SYNE2: variants seen among roughly 807,000 people sequenced by gnomAD.
SYNE2 encodes the protein nesprin-2.
SYNE2 carries 431 observed loss-of-function variants against 856.3 expected under a neutral mutation model. The observed-to-expected ratio is 0.50, with a 90% CI of 0.47 to 0.55. The LOEUF is 0.55. Among genes scored for constraint, SYNE2 ranks in the 20% least tolerant of loss-of-function variants. The pLI is 0.00. For synonymous variants in SYNE2, 2,923 were observed against 2,872.3 expected, an observed-to-expected ratio of 1.02 and a Z score of -0.56; for missense variants, 8,129 against 8,023.2, an observed-to-expected ratio of 1.01 and a Z score of -0.50.
chr14:63,964,374 A>G (rs1368788751), intron 10 of SYNE2, among the ~76,000 whole-genome samples: 1 of 152,222 alleles, frequency 6.6e-6, no homozygotes, highest in South Asian at 2.1e-4. Flanking sequence ...AAGTATTGCC[A>G]GTCACTACTT....
Position 63,770,009 on chromosome 14 carries a change from G to A in SYNE2, c.-305+8023G>A, listed in dbSNP as rs544729586. ...AGCTCACTGCAGCCTTGACCTCCGC[G>A]GACAAGCAATCCTCCTGCCTCAGCC... On this transcript the variant is annotated intron_variant, in intron 1 of 23. Transcript: ENST00000674003. Among the ~76,000 whole-genome samples the A allele has an allele frequency of 1.1e-4, 17 of 152,106 alleles. No individual in the cohort carries two copies. In the South Asian group the frequency reaches 1.7e-3, roughly 15 times the overall value.
chr14:64,222,300 A>G (rs2098698130), intron 112 of SYNE2, among the ~76,000 whole-genome samples: 1 of 152,264 alleles, frequency 6.6e-6, no homozygotes, highest in African/African-American at 2.4e-5. Flanking sequence ...GGCGTCCAGT[A>G]GAACTTTCTG....
chr14:64,183,100 G>A (rs9888628), intron 96 of SYNE2, among the ~76,000 whole-genome samples: 2 of 144,018 alleles, frequency 1.4e-5, no homozygotes, highest in Non-Finnish European at 3.0e-5. Context: ...CCGGGCGGAG[G>A]GGCTCCTCAC....
At chr14:64,148,823 G>A (rs17766384) in intron 84 of SYNE2, among the ~76,000 whole-genome samples, 21,897 of 152,088 alleles carry the variant, frequency 0.14, 2,104 homozygotes, top group Middle Eastern at 0.25. Flanking sequence ...CGGGTCTGTC[G>A]TCTACCAGAT....
At chr14:63,939,848 A>T (rs2095882036) in intron 2 of SYNE2, among the ~76,000 whole-genome samples, 1 of 152,190 alleles carries the variant, frequency 6.6e-6, no homozygotes, top group African/African-American at 2.4e-5. Flanking sequence ...TCTCTGACTA[A>T]TTACAGCCCA....
intron 45 of SYNE2, among the ~76,000 whole-genome samples, chr14:64,036,794 C>A (rs1469217597): frequency 2.6e-5 from 4 of 152,118 alleles, no homozygotes; most frequent in Non-Finnish European, 5.9e-5. Context: ...GGTTTACATT[C>A]TCTGGTTTGA....
intron 45 of SYNE2, among the ~76,000 whole-genome samples, chr14:64,044,817 A>G (rs2097174068): frequency 6.6e-6 from 1 of 152,102 alleles, no homozygotes; most frequent in African/African-American, 2.4e-5. Flanking sequence ...TTCCGCCATG[A>G]TTGTGAGGCT....
chr14:63,763,118 C>T (rs1886550979), intron 1 of SYNE2, among the ~76,000 whole-genome samples: 1 of 152,078 alleles, frequency 6.6e-6, no homozygotes, highest in Admixed American at 6.5e-5. Context: ...CAGGCGCCCA[C>T]CACCACACCT....
intron 36 of SYNE2, 123 bp downstream of exon 36, chr14:64,021,638 C>A: frequency 7.8e-7 from 1 of 1,288,624 alleles, no homozygotes; most frequent in Non-Finnish European, 1.1e-6. Context: ...TCAGAAAAAC[C>A]GCTTTTGTAT....
chr14:64,141,600 C>T, intron 81 of SYNE2, 77 bp downstream of exon 81: 1 of 1,492,156 alleles, frequency 6.7e-7, no homozygotes, highest in East Asian at 2.3e-5. Flanking sequence ...ATTTCTCTGA[C>T]TCAATAATTT....
At chr14:64,190,025 A>T in intron 98 of SYNE2, 46 bp from the exon 99 acceptor site, 1 of 1,581,832 alleles carries the variant, frequency 6.3e-7, no homozygotes, top group Non-Finnish European at 8.7e-7. Context: ...AGAAGAAATG[A>T]GTTTGGGCTA....
intron 6 of SYNE2, among the ~76,000 whole-genome samples, chr14:63,947,437 T>G (rs188286326): frequency 4.1e-4 from 62 of 152,354 alleles, no homozygotes; most frequent in African/African-American, 1.3e-3. Flanking sequence ...ATTTTATATT[T>G]AGATCTACCG....
chr14:63,961,491 T>C (rs572381285), intron 8 of SYNE2, 34 bp from the exon 9 acceptor site: 2 of 1,536,014 alleles, frequency 1.3e-6, no homozygotes, highest in Non-Finnish European at 9.0e-7. Flanking sequence ...AGTAAATGTG[T>C]AACAGCTAAT....
intron 98 of SYNE2, 144 bp downstream of exon 98, chr14:64,188,852 C>T (rs1596096249): frequency 1.2e-6 from 1 of 853,632 alleles, no homozygotes; most frequent in South Asian, 1.4e-5. Flanking sequence ...ATTTTCGATC[C>T]TTTTGAGAGA....
At chr14:64,037,279 C>A (rs941959952) in intron 45 of SYNE2, among the ~76,000 whole-genome samples, 22 of 151,822 alleles carry the variant, frequency 1.4e-4, no homozygotes, top group Middle Eastern at 3.4e-3. Flanking sequence ...GACCCTGCGG[C>A]CTTCCGCAGT....
chr14:64,100,531 A>AATATATATATATAT (rs1204839640), intron 63 of SYNE2, among the ~76,000 whole-genome samples: 10 of 39,468 alleles, frequency 2.5e-4, no homozygotes, highest in Non-Finnish European at 2.8e-4. Flanking sequence ...AAAAAAAAAA[A>AATATATATATATAT]ATATATATAT....
chr14:64,062,531 G>A (rs1485287504), intron 49 of SYNE2, among the ~76,000 whole-genome samples: 2 of 152,120 alleles, frequency 1.3e-5, no homozygotes, highest in Non-Finnish European at 2.9e-5. Flanking sequence ...TTAGAGGACG[G>A]CCCTTGCTTC....
chr14:63,804,446 A>G (rs998475373), intron 1 of SYNE2, among the ~76,000 whole-genome samples: 3 of 152,074 alleles, frequency 2.0e-5, no homozygotes, highest in African/African-American at 4.8e-5. Flanking sequence ...GATGACCTAT[A>G]TCCAGAATGG....
At chr14:64,006,378 A>T (rs551288328) in intron 30 of SYNE2, among the ~76,000 whole-genome samples, 1 of 151,976 alleles carries the variant, frequency 6.6e-6, no homozygotes, top group South Asian at 2.1e-4. Flanking sequence ...CTCCTATATC[A>T]TGCTGTCTTC....
Sources: gnomAD v4.1 joint callset for allele counts (sites outside exome capture counted in the v4.1 genomes callset) on GRCh38, gnomAD v4.1.1 for gene constraint, MANE v1.5 for transcripts, NCBI Gene and HGNC (gene_info 2026-07-23, HGNC 2026-07-21) for gene names.